The following RCBTB2 variants were observed in gnomAD, a reference collection of about 807,000 sequenced individuals.
RCBTB2 encodes RCC1 and BTB domain containing protein 2, also known as RCC1 and BTB domain-containing protein 2.
In RCBTB2, 55 loss-of-function variants were observed where a neutral mutation model predicts 65.4. The ratio of observed to expected loss-of-function variants is 0.84; its 90% CI spans 0.68 to 1.05. The LOEUF (loss-of-function observed/expected upper bound fraction) is 1.05, where lower values mean the gene tolerates loss of function less well. Among genes scored for constraint, RCBTB2 ranks in the 50% least tolerant of loss-of-function variants. The probability of loss-of-function intolerance (pLI) is 0.00; values close to 1 mark genes in which losing one functional copy is unlikely to be tolerated. For missense variants in RCBTB2, 599 were observed against 680.1 expected, an observed-to-expected ratio of 0.88 and a Z score of 1.33; for synonymous variants, 220 against 255.2, an observed-to-expected ratio of 0.86 and a Z score of 1.31.
intron 1 of RCBTB2, chr13:48,532,082 A>G (rs943333075): frequency 2.0e-5 from 3 of 152,260 alleles, no homozygotes; most frequent in Non-Finnish European, 4.4e-5. Flanking sequence ...AAGTAGCTCC[A>G]TGAAATGCGT....
chr13:48,510,506 T>C, intron 10 of RCBTB2, 123 bp downstream of exon 10: 2 of 1,180,686 alleles, frequency 1.7e-6, no homozygotes, highest in Non-Finnish European at 2.4e-6. Context: ...AAGGAATAAA[T>C]ACTCTTGTTA....
At position 48,515,646 on chromosome 13, in the gene RCBTB2, A is replaced by G. The variant is rs1009860626; in HGVS notation, c.138T>C (p.Arg46=). The G allele has an allele frequency of 1.2e-6, 2 of 1,613,990 alleles. No individual in the cohort carries two copies. Among genetic ancestry groups the G allele is most frequent in the African/African-American group, 2.7e-5 (2 of 74,944 alleles). Residue 46 remains arginine (R), a synonymous_variant, in exon 5 of 15, where the codon CGT becomes CGC. Coordinates refer to ENST00000344532, the MANE Select transcript of RCBTB2 (RefSeq NM_001268.4). The part of the protein sequence containing the change: ...LCSEEELQLI[R]QACVFGSAGN... ...CAGCACTGCCAAAGACACAAGCCTGACGAATTAACTGTAGTTCTTCTTCAG... is the reference window on the plus strand; with the variant it reads ...CAGCACTGCCAAAGACACAAGCCTGGCGAATTAACTGTAGTTCTTCTTCAG...
intron 1 of RCBTB2, among the ~76,000 whole-genome samples, chr13:48,531,091 T>C (rs1457007147): frequency 2.0e-5 from 3 of 152,230 alleles, no homozygotes; most frequent in African/African-American, 7.2e-5. Context: ...TTCATAGCAT[T>C]TGTACTTTTC....
At position 48,489,936 on chromosome 13, in the gene RCBTB2, A is replaced by T; in HGVS notation, c.*175T>A. The T allele has an allele frequency of 1.5e-6, 1 of 676,702 alleles. No individual in the cohort carries two copies. The allele number at this position is 676,702 out of a possible 1,614,324, so 41.9% of individuals were successfully genotyped here. A position where few individuals can be genotyped will look rare whatever the true frequency, so the allele number is the denominator to read the frequency against. On this transcript the variant is annotated 3_prime_UTR_variant, in exon 15 of 15. Transcript: ENST00000344532. Reference sequence around the variant, plus strand: ...CTGATCAGAACATTCAATGCTTTCTACATAAACTCTGGGTTTAGGCAGACA... The same window carrying T: ...CTGATCAGAACATTCAATGCTTTCTTCATAAACTCTGGGTTTAGGCAGACA...
chr13:48,493,225 T>TCACA (rs3085589), intron 14 of RCBTB2, among the ~76,000 whole-genome samples: 1,470 of 109,120 alleles, frequency 0.013, 23 homozygotes, highest in East Asian at 0.035. Context: ...GTACCCTCCT[T>TCACA]CACACACACA....
intron 10 of RCBTB2, chr13:48,504,154 C>T (rs1566278107): frequency 1.0e-6 from 1 of 985,096 alleles, no homozygotes; most frequent in Non-Finnish European, 1.2e-6. Context: ...GTCAGGTACA[C>T]CCCACATCTG....
At position 48,496,296 on chromosome 13, in the gene RCBTB2, A is replaced by G; in HGVS notation, c.1410T>C (p.Tyr470=). 1 of 1,585,948 alleles carries G rather than the reference A, an allele frequency of 6.3e-7. No homozygotes were observed. The highest frequency in any genetic ancestry group is 8.6e-7 in the Non-Finnish European group (1 of 1,166,796). Residue 470 remains tyrosine, a synonymous_variant, in exon 14 of 15, where the codon TAT becomes TAC. Coordinates refer to ENST00000344532, the MANE Select transcript of RCBTB2 (RefSeq NM_001268.4). ...AVGLLDLATF[Y]RENRLKKLCQ... ...AGAGCTTTTTCAAACGATTTTCTCTATAAAATGTAGCCAAGTCTAGCAGTC... is the reference window on the plus strand; with the variant it reads ...AGAGCTTTTTCAAACGATTTTCTCTGTAAAATGTAGCCAAGTCTAGCAGTC...
At chr13:48,511,232 G>T (rs1290699325) in intron 9 of RCBTB2, among the ~76,000 whole-genome samples, 1 of 151,888 alleles carries the variant, frequency 6.6e-6, no homozygotes, top group East Asian at 1.9e-4. Context: ...TGTATAAGCA[G>T]TTCTGTATCT....
At chr13:48,499,920 G>C (rs762752489) in intron 12 of RCBTB2, among the ~76,000 whole-genome samples, 160 bp from the exon 13 acceptor site, 24 of 152,150 alleles carry the variant, frequency 1.6e-4, no homozygotes, top group Non-Finnish European at 3.2e-4. Context: ...CATCTATTCA[G>C]CAAGGCTGTA....
At chr13:48,510,190 C>T (rs6561448) in intron 10 of RCBTB2, among the ~76,000 whole-genome samples, 34,734 of 152,200 alleles carry the variant, frequency 0.23, 10,413 homozygotes, top group African/African-American at 0.69. Context: ...CCCTATCCTT[C>T]TCAACTGGCA....
At chr13:48,510,955 A>G (rs1478205064) in intron 9 of RCBTB2, among the ~76,000 whole-genome samples, 184 bp from the exon 10 acceptor site, 1 of 152,232 alleles carries the variant, frequency 6.6e-6, no homozygotes, top group Non-Finnish European at 1.5e-5. Context: ...TAAGATTGCC[A>G]TGAGTACCCT....
chr13:48,513,814 G>A (rs1313985217), intron 6 of RCBTB2, among the ~76,000 whole-genome samples: 1 of 152,002 alleles, frequency 6.6e-6, no homozygotes, highest in Non-Finnish European at 1.5e-5. Flanking sequence ...TGTTTCTTCT[G>A]GTTCCCATTC....
rs74077640 is a variant in RCBTB2, at chr13:48,493,288, T to A, written c.1515+2903A>T. 8.8e-4 allele frequency among the ~76,000 whole-genome samples: 68 copies of A among 77,180 alleles called. 2 individuals carry two copies. Among genetic ancestry groups the A allele is most frequent in the African/African-American group, 5.6e-3 (67 of 11,962 alleles). 50.6% of individuals were successfully genotyped at this position (77,180 alleles called of 152,430 possible). On this transcript the variant is annotated intron_variant, in intron 14 of 14. Coordinates refer to ENST00000344532, the MANE Select transcript of RCBTB2 (RefSeq NM_001268.4). ...TTCTCTCTCTCACCCTCTCTCTCTCTCCACACACACACACACACACACACA... is the reference window on the plus strand; with the variant it reads ...TTCTCTCTCTCACCCTCTCTCTCTCACCACACACACACACACACACACACA...
chr13:48,495,230 C>T (rs1308981007), intron 14 of RCBTB2, among the ~76,000 whole-genome samples: 20 of 151,760 alleles, frequency 1.3e-4, no homozygotes, highest in Non-Finnish European at 4.4e-5. Context: ...AATACATGGT[C>T]ACTGTAAAAG....
intron 1 of RCBTB2, 61 bp downstream of exon 1, chr13:48,532,967 G>C: frequency 2.2e-6 from 1 of 455,454 alleles, no homozygotes; most frequent in South Asian, 1.5e-5. Flanking sequence ...GTACCTGACA[G>C]CATCCCACGT....
intron 1 of RCBTB2, among the ~76,000 whole-genome samples, chr13:48,526,476 C>T (rs1400091879): frequency 6.6e-6 from 1 of 151,998 alleles, no homozygotes; most frequent in Non-Finnish European, 1.5e-5. Flanking sequence ...GTGGAGGCTG[C>T]GGTGAACCAT....
chr13:48,500,586 G>C (rs1011346034), intron 12 of RCBTB2, among the ~76,000 whole-genome samples: 1 of 152,022 alleles, frequency 6.6e-6, no homozygotes, highest in Non-Finnish European at 1.5e-5. Context: ...GGGGAAATTT[G>C]GACACAGACA....
intron 1 of RCBTB2, among the ~76,000 whole-genome samples, chr13:48,529,092 C>G (rs1177665353): frequency 6.6e-6 from 1 of 152,084 alleles, no homozygotes; most frequent in African/African-American, 2.4e-5. Context: ...GTCTTTTCAG[C>G]CACACACGGC....
At chr13:48,522,252 A>G (rs1343716972) in intron 3 of RCBTB2, 56 bp downstream of exon 3, 8 of 1,120,352 alleles carry the variant, frequency 7.1e-6, no homozygotes, top group Non-Finnish European at 1.0e-5. Context: ...GGAAATCAGT[A>G]GAAAATTTTC....
Sources: allele counts gnomAD v4.1 joint callset (sites outside exome capture counted in the v4.1 genomes callset), GRCh38; gene constraint gnomAD v4.1.1; transcripts MANE v1.5; gene names NCBI Gene and HGNC (gene_info 2026-07-23, HGNC 2026-07-21).